PAK5: variants seen among roughly 807,000 people sequenced by gnomAD.
PAK5 encodes the protein p21 (RAC1) activated kinase 5.
A neutral mutation model predicts 65.9 loss-of-function variants in PAK5; 16 were observed. The observed-to-expected ratio is 0.24, with a 90% confidence interval of 0.16 to 0.37. The LOEUF (loss-of-function observed/expected upper bound fraction) is 0.37. Among genes scored for constraint, PAK5 ranks in the 10% least tolerant of loss-of-function variants. PAK5 has a pLI of 1.00. For missense variants in PAK5, 785 were observed against 903.9 expected (o/e 0.87, Z 1.69); for synonymous variants, 371 against 354.9 (o/e 1.05, Z -0.51).
In PAK5 at chr20:9,615,699, G is replaced by A. The variant is rs113142539; in HGVS notation, c.204+28426C>T. On this transcript the variant is annotated intron_variant, in intron 3 of 9. Transcript: ENST00000353224. Reference sequence around the variant, plus strand: ...AACAACTCTTTGATTTTGCATAATCGTGTGGGTCAGGAATTTTGGAAGGGC... The same window carrying A: ...AACAACTCTTTGATTTTGCATAATCATGTGGGTCAGGAATTTTGGAAGGGC... Among the ~76,000 whole-genome samples, 468 of 152,294 alleles carry A rather than the reference G, an allele frequency of 3.1e-3. 1 individual carries two copies. The highest frequency in any genetic ancestry group is 0.01 in the African/African-American group (435 of 41,580).
At chr20:9,755,284 T>A (rs183754194) in intron 1 of PAK5, among the ~76,000 whole-genome samples, 14 of 152,286 alleles carry the variant, frequency 9.2e-5, no homozygotes, top group Admixed American at 3.3e-4. Flanking sequence ...CAAGTTAACC[T>A]TTTTTTAGTG....
At chr20:9,767,452 G>A (rs2048781499) in intron 1 of PAK5, among the ~76,000 whole-genome samples, 1 of 152,092 alleles carries the variant, frequency 6.6e-6, no homozygotes, top group South Asian at 2.1e-4. Flanking sequence ...GCCTTCCTTT[G>A]TTTTAGCACA....
intron 1 of PAK5, among the ~76,000 whole-genome samples, chr20:9,756,391 T>C (rs1320835408): frequency 6.6e-6 from 1 of 152,084 alleles, no homozygotes. Context: ...TTGGGACACA[T>C]GCCCCAAATC....
chr20:9,612,207 C>A (rs964033139), intron 3 of PAK5, among the ~76,000 whole-genome samples: 1 of 152,182 alleles, frequency 6.6e-6, no homozygotes, highest in Non-Finnish European at 1.5e-5. Context: ...AGCTCCTACA[C>A]GCGGCTCCAG....
At chr20:9,700,746 A>G (rs1401476330) in intron 2 of PAK5, among the ~76,000 whole-genome samples, 1 of 152,206 alleles carries the variant, frequency 6.6e-6, no homozygotes, top group African/African-American at 2.4e-5. Flanking sequence ...TTGCCAGTGC[A>G]GATAGGATTT....
chr20:9,732,076 A>G (rs2048340261), intron 1 of PAK5, among the ~76,000 whole-genome samples: 1 of 152,196 alleles, frequency 6.6e-6, no homozygotes, highest in South Asian at 2.1e-4. Flanking sequence ...ATCTATAGAT[A>G]CATTAGGTCA....
chr20:9,608,865 G>A (rs2046504559), intron 3 of PAK5, among the ~76,000 whole-genome samples: 1 of 152,202 alleles, frequency 6.6e-6, no homozygotes, highest in Admixed American at 6.5e-5. Context: ...TCCAGCTGCT[G>A]CTCCTTCATC....
chr20:9,612,101 G>A (rs1268523568), intron 3 of PAK5, among the ~76,000 whole-genome samples: 2 of 152,176 alleles, frequency 1.3e-5, no homozygotes, highest in African/African-American at 4.8e-5. Context: ...AATGCTGCAG[G>A]GATATGTACT....
chr20:9,787,603 C>T (rs1289653091), intron 1 of PAK5, among the ~76,000 whole-genome samples: 1 of 148,038 alleles, frequency 6.8e-6, no homozygotes, highest in Non-Finnish European at 1.5e-5. Flanking sequence ...GCTTACTCTG[C>T]ATGGCTATGA....
At position 9,675,693 on chromosome 20, in the gene PAK5, C is replaced by T. The variant is rs546884264; in HGVS notation, c.-11-31354G>A. 6.0e-4 allele frequency among the ~76,000 whole-genome samples: 91 copies of T among 152,242 alleles called. 1 individual carries two copies. In the South Asian group the frequency reaches 6.2e-3, roughly 10 times the overall value. Reference sequence around the variant, plus strand: ...TATTCATTTCTTCCCCATTCTGTTACATTATTCAGTTCACATTCTTAAAAT... The same window carrying T: ...TATTCATTTCTTCCCCATTCTGTTATATTATTCAGTTCACATTCTTAAAAT... On this transcript the variant is annotated intron_variant, in intron 2 of 9. Transcript: ENST00000353224.
chr20:9,771,555 G>A (rs2123677496), intron 1 of PAK5, among the ~76,000 whole-genome samples: 1 of 143,094 alleles, frequency 7.0e-6, no homozygotes, highest in Non-Finnish European at 1.5e-5. Flanking sequence ...CTACAGGTGT[G>A]TGCCACCACA....
At chr20:9,834,232 G>A (rs1204242820) in intron 1 of PAK5, among the ~76,000 whole-genome samples, 1 of 152,070 alleles carries the variant, frequency 6.6e-6, no homozygotes, top group East Asian at 1.9e-4. Flanking sequence ...TGAAATTGAA[G>A]CCACTTTAGA....
chr20:9,576,036 C>G (rs2045880102), intron 4 of PAK5, among the ~76,000 whole-genome samples: 2 of 152,208 alleles, frequency 1.3e-5, no homozygotes, highest in African/African-American at 4.8e-5. Context: ...GTGCTTGGAA[C>G]ACAGTAACCC....
At chr20:9,823,548 A>T (rs2049448330) in intron 1 of PAK5, among the ~76,000 whole-genome samples, 1 of 152,206 alleles carries the variant, frequency 6.6e-6, no homozygotes, top group Non-Finnish European at 1.5e-5. Context: ...TGCACAATTA[A>T]TCTTGCCTTC....
chr20:9,762,328 C>T (rs1025021961), intron 1 of PAK5, among the ~76,000 whole-genome samples: 1 of 152,192 alleles, frequency 6.6e-6, no homozygotes, highest in South Asian at 2.1e-4. Context: ...AAAAGACAAC[C>T]TATGGAATAG....
At chr20:9,581,635 C>G (rs1169622919) in intron 3 of PAK5, among the ~76,000 whole-genome samples, 1 of 152,128 alleles carries the variant, frequency 6.6e-6, no homozygotes, top group Non-Finnish European at 1.5e-5. Context: ...AACATCACCG[C>G]TGAATTTTGG....
chr20:9,674,967 T>C (rs542066713), intron 2 of PAK5, among the ~76,000 whole-genome samples: 2 of 152,278 alleles, frequency 1.3e-5, no homozygotes, highest in South Asian at 4.1e-4. Flanking sequence ...TAGTCAGCAC[T>C]CACAGCAGCT....
chr20:9,724,672 T>C (rs1223092276), intron 1 of PAK5, among the ~76,000 whole-genome samples: 2 of 152,128 alleles, frequency 1.3e-5, no homozygotes, highest in Non-Finnish European at 2.9e-5. Flanking sequence ...ATGGGATATA[T>C]GTATGTGTTT....
At chr20:9,577,577 G>A (rs1477756567) in intron 4 of PAK5, 1 of 152,190 alleles carries the variant, frequency 6.6e-6, no homozygotes, top group Non-Finnish European at 1.5e-5. Flanking sequence ...TCCCTCAGCT[G>A]GAAATCCAAA....
Sources: allele counts gnomAD v4.1 joint callset (sites outside exome capture counted in the v4.1 genomes callset), GRCh38; gene constraint gnomAD v4.1.1; transcripts MANE v1.5; gene names NCBI Gene and HGNC (gene_info 2026-07-23, HGNC 2026-07-21).